Variants in SUPT6H observed in about 807,000 individuals in gnomAD.
SUPT6H encodes transcription elongation factor SPT6.
SUPT6H carries 11 observed loss-of-function variants against 222.3 expected under a neutral mutation model. The observed-to-expected ratio is 0.05, with a 90% CI of 0.03 to 0.08. The LOEUF (loss-of-function observed/expected upper bound fraction) is 0.08. Among genes scored for constraint, SUPT6H ranks in the 10% least tolerant of loss-of-function variants. The probability of loss-of-function intolerance (pLI) is 1.00; values close to 1 mark genes in which losing one functional copy is unlikely to be tolerated. For synonymous variants in SUPT6H, 762 were observed against 801.2 expected (o/e 0.95, Z 0.83); for missense variants, 1,422 against 2,216.0 (o/e 0.64, Z 7.19).
intron 1 of SUPT6H, chr17:28,671,227 A>G (rs1195588807): frequency 2.0e-5 from 3 of 152,302 alleles, no homozygotes; most frequent in African/African-American, 4.8e-5. Context: ...CAGCAATATG[A>G]AAACGTAAGT....
Position 28,700,180 on chromosome 17 carries a change from C to T in SUPT6H, c.4569C>T (p.Thr1523=). The T allele has an allele frequency of 6.2e-7, 1 of 1,614,192 alleles. No homozygotes were observed. Among genetic ancestry groups the T allele is most frequent in the East Asian group, 2.2e-5 (1 of 44,888 alleles). Residue 1523 remains threonine (T), a synonymous_variant, in exon 34 of 37, where the codon ACC becomes ACT. Transcript: ENST00000314616. ...DHYQDPVPGI[T]PSSSSRTRTP... The stretch of plus-strand genomic sequence containing the variant: ...AATAATCACTTCCTGCAGGCATCAC[C>T]CCTAGCAGCAGCAGCAGGACCCGGA...
intron 27 of SUPT6H, 179 bp downstream of exon 27, chr17:28,691,242 C>T: frequency 1.2e-6 from 1 of 830,162 alleles, no homozygotes; most frequent in Non-Finnish European, 1.8e-6. Context: ...AGAAGGCTGA[C>T]ATAGCTGGGC....
intron 30 of SUPT6H, 135 bp from the exon 31 acceptor site, chr17:28,697,485 A>G: frequency 1.5e-6 from 1 of 681,820 alleles, no homozygotes; most frequent in East Asian, 2.7e-5. Context: ...TGGACATGAC[A>G]CAGATGGATA....
At position 28,676,247 on chromosome 17, in the gene SUPT6H, AGAGTAT is replaced by A; in HGVS notation, c.724_729del (p.Tyr242_Glu243del). On this transcript the variant is annotated inframe_deletion, in exon 7 of 37. Transcript: ENST00000314616. ...ATGAGTATGATGAAGAACTGGAGGA[AGAGTAT>A]GAGTATGAGGATGATGAGGCTGAGG... 1 of 1,613,798 alleles carries A rather than the reference AGAGTAT, an allele frequency of 6.2e-7. No homozygotes were observed. The highest frequency in any genetic ancestry group is 8.5e-7 in the Non-Finnish European group (1 of 1,179,922).
intron 2 of SUPT6H, 114 bp from the exon 3 acceptor site, chr17:28,674,169 A>G (rs1416095554): frequency 7.6e-7 from 1 of 1,309,552 alleles, no homozygotes; most frequent in African/African-American, 1.5e-5. Context: ...AGAAGAGTTA[A>G]CATGGCACCC....
At chr17:28,699,058 G>A (rs907397911) in intron 32 of SUPT6H, among the ~76,000 whole-genome samples, 6 of 152,182 alleles carry the variant, frequency 3.9e-5, no homozygotes, top group African/African-American at 1.2e-4. Flanking sequence ...TAGGAGGCAG[G>A]TGTCAGCCTA....
chr17:28,694,315 G>T (rs2031801153), intron 28 of SUPT6H, among the ~76,000 whole-genome samples: 1 of 152,138 alleles, frequency 6.6e-6, no homozygotes, highest in Non-Finnish European at 1.5e-5. Context: ...AAATCTCTAG[G>T]CTCCATTTCT....
chr17:28,664,364 C>T (rs995640180), intron 1 of SUPT6H, among the ~76,000 whole-genome samples: 7 of 152,258 alleles, frequency 4.6e-5, no homozygotes, highest in South Asian at 2.1e-4. Flanking sequence ...AAAAACTAGC[C>T]GGGCGTGGCG....
chr17:28,675,031 G>T lies in SUPT6H; in HGVS notation c.407G>T (p.Gly136Val). Reference protein sequence around the residue: ...DDEDDDEEEYGKEEHEKEAIA... With the variant: ...DDEDDDEEEYVKEEHEKEAIA... Reference sequence around the variant, plus strand: ...GAGGACGATGACGAGGAGGAATATGGCAAGGAGGAACATGAAAAAGAAGCT... The same window carrying T: ...GAGGACGATGACGAGGAGGAATATGTCAAGGAGGAACATGAAAAAGAAGCT... Residue 136 changes from glycine (G) to valine (V), a missense_variant, in exon 5 of 37, where the codon GGC becomes GTC. By Grantham distance (109) the Gly-to-Val change is moderately radical. Transcript: ENST00000314616. The T allele has an allele frequency of 8.7e-6, 14 of 1,614,182 alleles. No individual in the cohort carries two copies. Among genetic ancestry groups the T allele is most frequent in the Non-Finnish European group, 1.1e-5 (13 of 1,180,034 alleles).
chr17:28,675,834 G>A (rs1403479836), intron 6 of SUPT6H, among the ~76,000 whole-genome samples: 1 of 152,174 alleles, frequency 6.6e-6, no homozygotes, highest in Admixed American at 6.5e-5. Context: ...TTACAAATTT[G>A]AAAGCTTTTG....
At chr17:28,687,619 G>T in intron 23 of SUPT6H, 148 bp downstream of exon 23, 1 of 914,280 alleles carries the variant, frequency 1.1e-6, no homozygotes, top group South Asian at 1.7e-5. Flanking sequence ...AAAAGAGTCT[G>T]ACTTCAGACC....
In SUPT6H at chr17:28,674,574, C is replaced by T; in HGVS notation, c.306C>T (p.Asp102=). 1.2e-5 allele frequency: 20 copies of T among 1,614,148 alleles called. No individual in the cohort carries two copies. The highest frequency in any genetic ancestry group is 1.7e-5 in the Non-Finnish European group (20 of 1,180,014). The stretch of plus-strand genomic sequence containing the variant: ...ACCGCCTGGAGGATGATGATTTTGA[C>T]CTCATTGAGGAGAATTTGGGTGTCA... ...FDDRLEDDDF[D]LIEENLGVKV... The change falls in exon 4 of 37, where the codon GAC becomes GAT. Residue 102 remains aspartate (D), a synonymous_variant. Coordinates refer to ENST00000314616, the MANE Select transcript of SUPT6H (RefSeq NM_003170.5).
At chr17:28,685,106 C>T in intron 19 of SUPT6H, 145 bp downstream of exon 19, 1 of 776,196 alleles carries the variant, frequency 1.3e-6, no homozygotes, top group Non-Finnish European at 2.1e-6. Flanking sequence ...TGGGATGCCT[C>T]ACTTCCATGA....
intron 29 of SUPT6H, 107 bp from the exon 30 acceptor site, chr17:28,696,737 A>G: frequency 9.7e-7 from 1 of 1,035,212 alleles, no homozygotes; most frequent in Non-Finnish European, 1.5e-6. Context: ...CAGATGACAG[A>G]GCACCCCAAC....
Position 28,700,340 on chromosome 17 carries a change from T to C in SUPT6H, c.4640-6T>C. 1 of 1,614,172 alleles carries C rather than the reference T, an allele frequency of 6.2e-7. No individual in the cohort carries two copies. Among genetic ancestry groups the C allele is most frequent in the Non-Finnish European group, 8.5e-7 (1 of 1,179,996 alleles). ...CATGCCCCTCCCCACCTCTGTGTGC[T>C]TACAGATCTGACACGGGCTGTGAAT... is the stretch of plus-strand genomic sequence containing the variant. On this transcript the variant is annotated splice_region_variant and splice_polypyrimidine_tract_variant and intron_variant, in intron 34 of 36. Transcript: ENST00000314616.
chr17:28,701,816 AT>A lies in SUPT6H; in HGVS notation c.*193del. The A allele has an allele frequency of 3.3e-6, 2 of 605,594 alleles. No individual in the cohort carries two copies. Among genetic ancestry groups the A allele is most frequent in the Non-Finnish European group, 5.6e-6 (2 of 354,108 alleles). 37.5% of individuals were successfully genotyped at this position (605,594 alleles called of 1,614,324 possible). A position where few individuals can be genotyped will look rare whatever the true frequency, so the allele number is the denominator to read the frequency against. ...TGAGCTCAGTGTATGCTAGGCAACA[AT>A]TCTCCCGCTCCAGACCCTCACCGAC... On this transcript the variant is annotated 3_prime_UTR_variant, in exon 37 of 37. Transcript: ENST00000314616.
intron 27 of SUPT6H, among the ~76,000 whole-genome samples, chr17:28,692,305 C>T (rs2031698372): frequency 7.4e-6 from 1 of 135,820 alleles, no homozygotes; most frequent in Admixed American, 7.5e-5. Context: ...GCCTGGGCGA[C>T]AGCGAGACTC....
chr17:28,690,192 T>C lies in SUPT6H; in HGVS notation c.3453T>C (p.Asn1151=). Residue 1151 remains asparagine (N), a synonymous_variant, in exon 26 of 37, where the codon AAT becomes AAC. Transcript: ENST00000314616. ...CTCCCAACACAGAGGAGATCTTCAA[T>C]ATGTTAACCAAAGAAACACCAGAGA... ...YRSPNTEEIF[N]MLTKETPETF... 1 of 1,613,992 alleles carries C rather than the reference T, an allele frequency of 6.2e-7. No individual in the cohort carries two copies. The highest frequency in any genetic ancestry group is 2.2e-5 in the East Asian group (1 of 44,874).
chr17:28,687,533 C>G, intron 23 of SUPT6H, 62 bp downstream of exon 23: 1 of 1,539,864 alleles, frequency 6.5e-7, no homozygotes, highest in South Asian at 1.2e-5. Flanking sequence ...TGAATATATA[C>G]TTTGTCAGTA....
Sources: allele counts gnomAD v4.1 joint callset (sites outside exome capture counted in the v4.1 genomes callset), GRCh38; gene constraint gnomAD v4.1.1; transcripts MANE v1.5; gene names NCBI Gene and HGNC (gene_info 2026-07-23, HGNC 2026-07-21).